Variants in NOS2 observed in about 807,000 individuals in gnomAD.
The protein encoded by NOS2 is nitric oxide synthase, inducible.
In NOS2, 96 loss-of-function variants were observed where a neutral mutation model predicts 136.0. The observed-to-expected ratio is 0.71, with a 90% CI of 0.60 to 0.84. The LOEUF is 0.84. Ranked by LOEUF, NOS2 falls within the 40% of genes least tolerant of loss-of-function variation. The probability of loss-of-function intolerance (pLI) is 0.00; values close to 1 mark genes in which losing one functional copy is unlikely to be tolerated. For synonymous variants in NOS2, 539 were observed against 587.5 expected, an observed-to-expected ratio of 0.92 and a Z score of 1.20; for missense variants, 1,237 against 1,496.9, an observed-to-expected ratio of 0.83 and a Z score of 2.87.
chr17:27,771,397 C>T (rs1016984173), intron 14 of NOS2, among the ~76,000 whole-genome samples: 6 of 152,202 alleles, frequency 3.9e-5, no homozygotes, highest in East Asian at 1.9e-4. Context: ...AGGGAATGGC[C>T]GGGGAAATGT....
chr17:27,783,184 G>A (rs1297383433), intron 5 of NOS2, 78 bp from the exon 6 acceptor site: 3 of 1,503,894 alleles, frequency 2.0e-6, no homozygotes, highest in Non-Finnish European at 2.8e-6. Flanking sequence ...ACAGAAGCAG[G>A]AACTGAAATA....
rs182442817 is a variant in NOS2, at chr17:27,794,272, G to A, written c.110+4428C>T. Among the ~76,000 whole-genome samples the A allele has an allele frequency of 1.7e-4, 26 of 152,324 alleles. No homozygotes were observed. The East Asian group carries it at 4.8e-3, about 28-fold the overall frequency. ...TTACTTGTTACATACAGCATGTTCT[G>A]TGCGATTCCAGAAAAGAAACCAAAG... On this transcript the variant is annotated intron_variant, in intron 2 of 26. Coordinates refer to ENST00000313735, the MANE Select transcript of NOS2 (RefSeq NM_000625.4).
At position 27,787,641 on chromosome 17, in the gene NOS2, G is replaced by T. The variant is rs201382650; in HGVS notation, c.467+37C>A. The T allele has an allele frequency of 2.1e-5, 32 of 1,529,508 alleles. 1 individual carries two copies. Among genetic ancestry groups the T allele is most frequent in the Non-Finnish European group, 2.7e-5 (30 of 1,113,282 alleles). 94.7% of individuals were successfully genotyped at this position (1,529,508 alleles called of 1,614,324 possible). On this transcript the variant is annotated intron_variant, in intron 5 of 26. Transcript: ENST00000313735. ...GTAGAGACAGGAGAGCAGGAGGAAG[G>T]GCAGGAGGCAGCGACCCTGCAGGAG...
chr17:27,757,399 T>A (rs753523908), intron 26 of NOS2, 46 bp from the exon 27 acceptor site: 51 of 1,569,772 alleles, frequency 3.2e-5, no homozygotes, highest in Non-Finnish European at 4.3e-5. Context: ...CAGGCTGGGA[T>A]GAGCCCCTGG....
At position 27,794,716 on chromosome 17, in the gene NOS2, A is replaced by G. The variant is rs12452167; in HGVS notation, c.110+3984T>C. Among the ~76,000 whole-genome samples, 689 of 102,260 alleles carry G rather than the reference A, an allele frequency of 6.7e-3. 3 individuals carry two copies. The highest frequency in any genetic ancestry group is 0.014 in the Middle Eastern group (3 of 214). The allele number at this position is 102,260 out of a possible 152,430, so 67.1% of individuals were successfully genotyped here. On this transcript the variant is annotated intron_variant, in intron 2 of 26. Transcript: ENST00000313735. ...CACACATGCGTACACACACACGCGC[A>G]CACACACACACACACACACACACAC... is the stretch of plus-strand genomic sequence containing the variant.
rs781182183 is a variant in NOS2 at position 27,781,047 on chromosome 17, C to A, written c.853G>T (p.Glu285Ter). ...GCTGGGCCGGGTACCTGAGTGAATT[C>A]CACGTTGGCAGGGTCCCCTCTGATG... ...GSIRGDPANV[E>*]FTQLCIDLGW... The change falls in exon 8 of 27, where the codon GAA (glutamate) becomes TAA (stop). Residue 285 changes from glutamate to a stop codon, truncating the protein, a stop_gained. Coordinates refer to ENST00000313735, the MANE Select transcript of NOS2 (RefSeq NM_000625.4). LOFTEE classifies it high-confidence loss of function. 1 of 1,613,462 alleles carries A rather than the reference C, an allele frequency of 6.2e-7. No individual in the cohort carries two copies. The highest frequency in any genetic ancestry group is 8.5e-7 in the Non-Finnish European group (1 of 1,179,744).
chr17:27,778,798 A>G lies in NOS2; in HGVS notation c.1180-7T>C. ...CCATTCTCCTGCCCACTTCCTACAG[A>G]GGCAGAGTGATAGCGGCGAGTCGGT... On this transcript the variant is annotated splice_region_variant and splice_polypyrimidine_tract_variant and intron_variant, in intron 10 of 26. Transcript: ENST00000313735. 1 of 1,613,948 alleles carries G rather than the reference A, an allele frequency of 6.2e-7. No homozygotes were observed.
intron 14 of NOS2, among the ~76,000 whole-genome samples, 163 bp downstream of exon 14, chr17:27,772,145 T>G (rs2274894): frequency 0.68 from 103,608 of 152,132 alleles, 35,922 homozygotes; most frequent in South Asian, 0.82. Context: ...GTGTAAGTTT[T>G]GGAATCCCTG....
At position 27,762,805 on chromosome 17, in the gene NOS2, G is replaced by A; in HGVS notation, c.2793C>T (p.His931=). The stretch of plus-strand genomic sequence containing the variant: ...CCTCTGCCCCTGGCTCACCTCGGGT[G>A]TGGTAGGTGACCACGGCCACAGTCA... ...IHLTVAVVTY[H]TRDGQGPLHH... is the part of the protein sequence containing the mutation. Residue 931 remains histidine (H), a synonymous_variant, in exon 22 of 27, where the codon CAC becomes CAT. Coordinates refer to ENST00000313735, the MANE Select transcript of NOS2 (RefSeq NM_000625.4). The A allele has an allele frequency of 6.5e-7, 1 of 1,549,402 alleles. No homozygotes were observed. The highest frequency in any genetic ancestry group is 8.7e-7 in the Non-Finnish European group (1 of 1,146,808).
In NOS2 at chr17:27,788,196, G is replaced by GCACACACACACACA. The variant is rs59431357; in HGVS notation, c.319-384_319-371dup. Among the ~76,000 whole-genome samples the GCACACACACACACA allele has an allele frequency of 5.7e-3, 853 of 149,740 alleles. 6 individuals are homozygous for GCACACACACACACA. Among genetic ancestry groups the GCACACACACACACA allele is most frequent in the South Asian group, 0.02 (93 of 4,684 alleles). On this transcript the variant is annotated intron_variant, in intron 4 of 26. Coordinates refer to ENST00000313735, the MANE Select transcript of NOS2 (RefSeq NM_000625.4). Reference sequence around the variant, plus strand: ...ATGAGACATAGGAAGGCACACGCGTGCACACACACACACACACACACACAC... The same window carrying GCACACACACACACA: ...ATGAGACATAGGAAGGCACACGCGTGCACACACACACACACACACACACACACACACACACACAC...
intron 17 of NOS2, among the ~76,000 whole-genome samples, chr17:27,768,516 T>G (rs906058902): frequency 6.6e-6 from 1 of 152,154 alleles, no homozygotes; most frequent in Non-Finnish European, 1.5e-5. Flanking sequence ...CACCGCTGAG[T>G]GACGCTCTGC....
intron 18 of NOS2, among the ~76,000 whole-genome samples, chr17:27,767,317 T>C (rs969312223): frequency 3.3e-5 from 5 of 152,380 alleles, no homozygotes; most frequent in African/African-American, 1.2e-4. Flanking sequence ...GCTGGAAGGC[T>C]GGGGCTCAGA....
intron 14 of NOS2, among the ~76,000 whole-genome samples, chr17:27,771,315 T>C (rs1908487499): frequency 6.6e-6 from 1 of 152,242 alleles, no homozygotes; most frequent in Non-Finnish European, 1.5e-5. Context: ...CCATGTCCAC[T>C]ACTATTTGCA....
chr17:27,793,640 G>C, intron 2 of NOS2: 1 of 397,394 alleles, frequency 2.5e-6, no homozygotes, highest in Non-Finnish European at 4.4e-6. Flanking sequence ...CTGCAGAGCA[G>C]CCTGCACAGC....
At position 27,760,018 on chromosome 17, in the gene NOS2, G is replaced by A. The variant is rs1298296466; in HGVS notation, c.3159+12C>T. The A allele has an allele frequency of 6.6e-7, 1 of 1,509,348 alleles. No homozygotes were observed. Among genetic ancestry groups the A allele is most frequent in the Non-Finnish European group, 8.9e-7 (1 of 1,127,798 alleles). The allele number at this position is 1,509,348 out of a possible 1,614,324, so 93.5% of individuals were successfully genotyped here. On this transcript the variant is annotated intron_variant, in intron 25 of 26. Transcript: ENST00000313735. ...GTGTGTAATGCTTCACCTGCTTTGA[G>A]GCTGCATTTACCTTGGGCTTGCCAG...
rs1204799808 is a variant in NOS2 at position 27,772,363 on chromosome 17, G to C, written c.1649C>G (p.Ser550Ter). 6 of 1,614,030 alleles carry C rather than the reference G, an allele frequency of 3.7e-6. No individual in the cohort carries two copies. In the African/African-American group the frequency reaches 5.3e-5, roughly 14 times the overall value. The change falls in exon 14 of 27, where the codon TCA becomes TGA. Residue 550 changes from serine (S) to a stop codon, truncating the protein, a stop_gained. Transcript: ENST00000313735. LOFTEE classifies it high-confidence loss of function. ...CCCCAGGTCCCAGGCCAGCGCCTCT[G>C]ATTTTCCTGTCTCTGTCGCAAAGAG... ...TILFATETGKSEALAWDLGAL... is the reference protein window; with the variant it reads ...TILFATETGK
intron 19 of NOS2, 36 bp from the exon 20 acceptor site, chr17:27,765,752 A>T: frequency 6.4e-7 from 1 of 1,561,062 alleles, no homozygotes; most frequent in Non-Finnish European, 8.7e-7. Flanking sequence ...GTGACATTGC[A>T]GGATTTCCTC....
In NOS2 at chr17:27,796,855, C is replaced by G. The variant is rs571316870; in HGVS notation, c.110+1845G>C. On this transcript the variant is annotated intron_variant, in intron 2 of 26. Coordinates refer to ENST00000313735, the MANE Select transcript of NOS2 (RefSeq NM_000625.4). ...AATCTGGACATCTAGAGGCCATCAA[C>G]TCTGTGTTCTCACCTCTTGGTCTCT... Among the ~76,000 whole-genome samples the G allele has an allele frequency of 7.6e-4, 116 of 152,308 alleles. 1 individual carries two copies. Among genetic ancestry groups the G allele is most frequent in the African/African-American group, 2.4e-3 (101 of 41,552 alleles).
At chr17:27,775,616 CAA>C in intron 11 of NOS2, among the ~76,000 whole-genome samples, 1 of 151,718 alleles carries the variant, frequency 6.6e-6, no homozygotes, top group Non-Finnish European at 1.5e-5. Flanking sequence ...AAAACAAAAA[CAA>C]AAAAATTTAA....
Sources: gnomAD v4.1 joint callset for allele counts (sites outside exome capture counted in the v4.1 genomes callset) on GRCh38, gnomAD v4.1.1 for gene constraint, MANE v1.5 for transcripts, NCBI Gene and HGNC (gene_info 2026-07-23, HGNC 2026-07-21) for gene names.